The following CACNA2D1 variants were observed in gnomAD, a reference collection of about 807,000 sequenced individuals.
CACNA2D1 encodes the protein voltage-dependent calcium channel subunit alpha-2/delta-1.
In CACNA2D1, 53 loss-of-function variants were observed where a neutral mutation model predicts 171.5. The ratio of observed to expected loss-of-function variants is 0.31; its 90% CI spans 0.25 to 0.39. The LOEUF is 0.39. Ranked by LOEUF, CACNA2D1 falls within the 10% of genes least tolerant of loss-of-function variation. CACNA2D1 has a pLI of 1.00. For synonymous variants in CACNA2D1, 442 were observed against 443.1 expected (o/e 1.00, Z 0.03); for missense variants, 903 against 1,299.8 (o/e 0.69, Z 4.69).
chr7:82,250,697 GC>G (rs1805528542), intron 3 of CACNA2D1, among the ~76,000 whole-genome samples: 1 of 151,986 alleles, frequency 6.6e-6, no homozygotes, highest in Admixed American at 6.6e-5. Context: ...TTCTTACTTA[GC>G]ATTTTGCTTT....
At chr7:82,108,827 A>G (rs1584776184) in intron 6 of CACNA2D1, among the ~76,000 whole-genome samples, 1 of 152,316 alleles carries the variant, frequency 6.6e-6, no homozygotes, top group Non-Finnish European at 1.5e-5. Flanking sequence ...TTATGGTCAA[A>G]TTAGCCTAGC....
chr7:82,084,551 C>T (rs1810217668), intron 7 of CACNA2D1, among the ~76,000 whole-genome samples: 1 of 152,164 alleles, frequency 6.6e-6, no homozygotes, highest in South Asian at 2.1e-4. Context: ...AGCAGCATGG[C>T]CTGATTCCAG....
chr7:82,361,398 A>T (rs1158559962), intron 1 of CACNA2D1, among the ~76,000 whole-genome samples: 1 of 152,206 alleles, frequency 6.6e-6, no homozygotes, highest in East Asian at 1.9e-4. Flanking sequence ...AACCCCTTTC[A>T]GAAACTGTGA....
intron 1 of CACNA2D1, among the ~76,000 whole-genome samples, chr7:82,433,345 C>A (rs1204428923): frequency 6.6e-6 from 1 of 152,154 alleles, no homozygotes; most frequent in Non-Finnish European, 1.5e-5. Flanking sequence ...AGTCTTGTTA[C>A]TACCACTGAA....
chr7:82,249,053 T>G (rs866445276), intron 3 of CACNA2D1, among the ~76,000 whole-genome samples: 1 of 151,504 alleles, frequency 6.6e-6, no homozygotes, highest in South Asian at 2.1e-4. Context: ...AAAGCGGAGT[T>G]TGCAGTGAGC....
chr7:81,959,934 CT>C, intron 36 of CACNA2D1, 105 bp from the exon 37 acceptor site: 1 of 1,493,406 alleles, frequency 6.7e-7, no homozygotes, highest in Non-Finnish European at 9.0e-7. Flanking sequence ...AATATGACAT[CT>C]GAAACAGAAA....
chr7:82,314,977 T>TTC, intron 3 of CACNA2D1, among the ~76,000 whole-genome samples: 3 of 61,680 alleles, frequency 4.9e-5, no homozygotes, highest in African/African-American at 4.7e-4. Flanking sequence ...CATATTATCT[T>TTC]TTTTTTTTTT....
intron 3 of CACNA2D1, among the ~76,000 whole-genome samples, chr7:82,244,206 C>T (rs1804647275): frequency 6.6e-6 from 1 of 152,004 alleles, no homozygotes; most frequent in African/African-American, 2.4e-5. Context: ...ATTTTAATCT[C>T]GATAAATAAT....
intron 3 of CACNA2D1, among the ~76,000 whole-genome samples, chr7:82,285,736 T>C (rs1334883436): frequency 6.6e-6 from 1 of 152,164 alleles, no homozygotes; most frequent in African/African-American, 2.4e-5. Context: ...TTACCCTAAT[T>C]ATTTTGACAA....
chr7:82,289,153 A>G (rs1325596742), intron 3 of CACNA2D1, among the ~76,000 whole-genome samples: 1 of 152,228 alleles, frequency 6.6e-6, no homozygotes, highest in Non-Finnish European at 1.5e-5. Context: ...ATTGAAAGTC[A>G]AAATATTTGA....
In CACNA2D1 at chr7:81,986,685, A is replaced by G. The variant is rs113795950; in HGVS notation, c.1797-1974T>C. On this transcript the variant is annotated intron_variant, in intron 21 of 38. Coordinates refer to ENST00000356860, the MANE Select transcript of CACNA2D1 (RefSeq NM_000722.4). The stretch of plus-strand genomic sequence containing the variant: ...TTCTCTATTATTAAGTAATTCATAG[A>G]CTTTCCTTATGGGAAAAGGTCAGGG... 9.5e-3 allele frequency among the ~76,000 whole-genome samples: 1,441 copies of G among 152,284 alleles called. 21 individuals carry two copies. Among genetic ancestry groups the G allele is most frequent in the African/African-American group, 0.033 (1,372 of 41,566 alleles).
chr7:82,001,025 G>T (rs1316366942), intron 18 of CACNA2D1, among the ~76,000 whole-genome samples: 2 of 151,788 alleles, frequency 1.3e-5, no homozygotes, highest in Non-Finnish European at 2.9e-5. Context: ...CTCTTGCTAA[G>T]CTATAGGAAG....
chr7:82,261,811 T>C (rs1585255344), intron 3 of CACNA2D1, among the ~76,000 whole-genome samples: 1 of 152,314 alleles, frequency 6.6e-6, no homozygotes, highest in East Asian at 1.9e-4. Flanking sequence ...TCATCTTTCT[T>C]TCCTGAATGA....
intron 3 of CACNA2D1, among the ~76,000 whole-genome samples, chr7:82,234,820 A>G (rs1803356232): frequency 6.6e-6 from 1 of 152,220 alleles, no homozygotes; most frequent in Non-Finnish European, 1.5e-5. Flanking sequence ...TACATGTTAC[A>G]CATTTGAAGC....
intron 3 of CACNA2D1, among the ~76,000 whole-genome samples, chr7:82,311,412 C>A (rs1232617821): frequency 6.6e-6 from 1 of 151,676 alleles, no homozygotes; most frequent in African/African-American, 2.4e-5. Flanking sequence ...AACCTAGTAT[C>A]AAGCAGAACA....
intron 3 of CACNA2D1, among the ~76,000 whole-genome samples, chr7:82,269,311 T>C (rs1808323420): frequency 6.6e-6 from 1 of 152,174 alleles, no homozygotes; most frequent in African/African-American, 2.4e-5. Context: ...TCATACATTT[T>C]ACAGACAAGC....
At chr7:82,406,989 A>G (rs943321828) in intron 1 of CACNA2D1, among the ~76,000 whole-genome samples, 2 of 152,236 alleles carry the variant, frequency 1.3e-5, no homozygotes, top group Non-Finnish European at 2.9e-5. Context: ...AAACACTATC[A>G]TAACAATTAA....
chr7:82,049,595 T>A, intron 10 of CACNA2D1, among the ~76,000 whole-genome samples: 1 of 152,168 alleles, frequency 6.6e-6, no homozygotes, highest in Non-Finnish European at 1.5e-5. Context: ...CAGTTAACAG[T>A]AATGCGATAA....
chr7:82,330,075 A>T (rs369847553), intron 3 of CACNA2D1, among the ~76,000 whole-genome samples: 1 of 11,804 alleles, frequency 8.5e-5, no homozygotes, highest in African/African-American at 1.0e-3. Context: ...CACCCCCAAC[A>T]AAAAAAAAGC....
Sources: gnomAD v4.1 joint callset for allele counts (sites outside exome capture counted in the v4.1 genomes callset) on GRCh38, gnomAD v4.1.1 for gene constraint, MANE v1.5 for transcripts, NCBI Gene and HGNC (gene_info 2026-07-23, HGNC 2026-07-21) for gene names.